The following BBOX1 variants were observed in gnomAD, a reference collection of about 807,000 sequenced individuals.
BBOX1 encodes gamma-butyrobetaine dioxygenase.
BBOX1 carries 35 observed loss-of-function variants against 41.6 expected under a neutral mutation model. That is an observed-to-expected ratio of 0.84 (90% CI 0.64 to 1.11). The LOEUF is 1.11. BBOX1 is among the 50% of genes most tolerant of loss of function. The probability of loss-of-function intolerance (pLI) is 0.00; values close to 1 mark genes in which losing one functional copy is unlikely to be tolerated. For missense variants in BBOX1, 458 were observed against 460.6 expected (o/e 0.99, Z 0.05); for synonymous variants, 163 against 154.7 (o/e 1.05, Z -0.40).
At position 27,080,041 on chromosome 11, in the gene BBOX1, T is replaced by TA. The variant is rs1478376107; in HGVS notation, c.335-13121dup. ...CTATTCCCATCCTGCTCTTTCTTTTTAAAAAATGCTTTAAAATCATTTTCC... is the reference window on the plus strand; with the variant it reads ...CTATTCCCATCCTGCTCTTTCTTTTTAAAAAAATGCTTTAAAATCATTTTCC... On this transcript the variant is annotated intron_variant, in intron 4 of 8. Coordinates refer to ENST00000263182, the MANE Select transcript of BBOX1 (RefSeq NM_003986.3). Among the ~76,000 whole-genome samples the TA allele has an allele frequency of 5.3e-5, 8 of 152,114 alleles. No homozygotes were observed. In the East Asian group the frequency reaches 1.5e-3, roughly 29 times the overall value.
rs201689301 is a variant in BBOX1, at chr11:27,093,346, C to T, written c.513C>T (p.Phe171=). The change falls in exon 5 of 9, where the codon TTC becomes TTT. Residue 171 remains phenylalanine, a synonymous_variant. Transcript: ENST00000263182. ...CAAAACTTGGGAAAAGGATGGGTTT[C>T]CTCTATCTCACATTTTATGGGTGAG... The part of the protein sequence containing the change: ...EVSKLGKRMG[F]LYLTFYGHTW... The T allele has an allele frequency of 3.1e-6, 5 of 1,612,228 alleles. No homozygotes were observed. The Admixed American group carries it at 8.4e-5, about 27-fold the overall frequency.
At chr11:27,052,716 G>A (rs1433726292) in intron 2 of BBOX1, among the ~76,000 whole-genome samples, 1 of 152,058 alleles carries the variant, frequency 6.6e-6, no homozygotes, top group Non-Finnish European at 1.5e-5. Flanking sequence ...GTTTAAATAA[G>A]TAAAGAATTT....
rs186751564 is a variant in BBOX1 at position 27,063,393 on chromosome 11, A to G, written c.334+6078A>G. Among the ~76,000 whole-genome samples the G allele has an allele frequency of 3.2e-4, 49 of 151,762 alleles. No individual in the cohort carries two copies. The East Asian group carries it at 8.9e-3, about 28-fold the overall frequency. On this transcript the variant is annotated intron_variant, in intron 4 of 8. Coordinates refer to ENST00000263182, the MANE Select transcript of BBOX1 (RefSeq NM_003986.3). ...CATATAACTGGCAGGACCAAAATGGAAAAAAAAATCACTATATAGTATGAT... is the reference window on the plus strand; with the variant it reads ...CATATAACTGGCAGGACCAAAATGGGAAAAAAAATCACTATATAGTATGAT...
Position 27,115,540 on chromosome 11 carries a change from C to A in BBOX1, c.622C>A (p.Leu208Ile). The A allele has an allele frequency of 6.2e-7, 1 of 1,610,032 alleles. No individual in the cohort carries two copies. Among genetic ancestry groups the A allele is most frequent in the Non-Finnish European group, 8.5e-7 (1 of 1,177,542 alleles). ...AAGCTTTCACACTGATTATCCAGCCCTCCATCATCCACCTGGGGTAAGTGA... is the reference window on the plus strand; with the variant it reads ...AAGCTTTCACACTGATTATCCAGCCATCCATCATCCACCTGGGGTAAGTGA... The part of the protein sequence containing the change: ...KLSFHTDYPA[L>I]HHPPGVQLLH... Residue 208 changes from leucine (L) to isoleucine (I), a missense_variant, in exon 6 of 9, where the codon CTC becomes ATC. Leu to Ile is a conservative substitution (Grantham distance 5). Coordinates refer to ENST00000263182, the MANE Select transcript of BBOX1 (RefSeq NM_003986.3).
chr11:27,049,952 C>T (rs959561780), intron 2 of BBOX1, among the ~76,000 whole-genome samples: 1 of 152,022 alleles, frequency 6.6e-6, no homozygotes, highest in African/African-American at 2.4e-5. Context: ...ATGGAGTTTT[C>T]CCATATGTTT....
intron 5 of BBOX1, among the ~76,000 whole-genome samples, chr11:27,101,719 C>T (rs1858666747): frequency 6.6e-6 from 1 of 151,864 alleles, no homozygotes. Context: ...ATTATTTTTG[C>T]AGTTTTATTG....
Position 27,063,606 on chromosome 11 carries a change from C to T in BBOX1, c.334+6291C>T, listed in dbSNP as rs139940586. Among the ~76,000 whole-genome samples, 954 of 150,704 alleles carry T rather than the reference C, an allele frequency of 6.3e-3. 13 individuals carry two copies. The highest frequency in any genetic ancestry group is 0.022 in the African/African-American group (900 of 41,008). ...AGAAAATATTTTATTTCCATGGAGA[C>T]AGGCTGCTCAGTTTTCTCAGCAATC... On this transcript the variant is annotated intron_variant, in intron 4 of 8. Coordinates refer to ENST00000263182, the MANE Select transcript of BBOX1 (RefSeq NM_003986.3).
chr11:27,122,272 A>G (rs889530456), intron 7 of BBOX1, among the ~76,000 whole-genome samples: 1 of 152,086 alleles, frequency 6.6e-6, no homozygotes, highest in Non-Finnish European at 1.5e-5. Flanking sequence ...TACACATTCA[A>G]TCACGTAAAT....
In BBOX1 at chr11:27,093,200, C is replaced by T. The variant is rs374702245; in HGVS notation, c.367C>T (p.Pro123Ser). Residue 123 changes from proline to serine, a missense_variant, in exon 5 of 9, where the codon CCC (proline) becomes TCC (serine). By Grantham distance (74) the Pro-to-Ser change is moderately conservative. Coordinates refer to ENST00000263182, the MANE Select transcript of BBOX1 (RefSeq NM_003986.3). ...CQYWGSELQLPTLDFEDVLRY... is the reference protein window; with the variant it reads ...CQYWGSELQLSTLDFEDVLRY... ...ATACTGGGGCTCAGAGCTCCAGCTA[C>T]CCACTTTGGATTTTGAAGATGTTTT... The T allele has an allele frequency of 6.2e-7, 1 of 1,612,310 alleles. No homozygotes were observed. Among genetic ancestry groups the T allele is most frequent in the Non-Finnish European group, 8.5e-7 (1 of 1,178,884 alleles).
At position 27,127,724 on chromosome 11, in the gene BBOX1, G is replaced by A. The variant is rs1007109383; in HGVS notation, c.*271G>A. On this transcript the variant is annotated 3_prime_UTR_variant, in exon 9 of 9. Transcript: ENST00000263182. ...GCCCATATATGAGTATCTCCAGAATGTCTACAAATAGTTTTTGTAGCAAAT... is the reference window on the plus strand; with the variant it reads ...GCCCATATATGAGTATCTCCAGAATATCTACAAATAGTTTTTGTAGCAAAT... 15 of 325,470 alleles carry A rather than the reference G, an allele frequency of 4.6e-5. No homozygotes were observed. The highest frequency in any genetic ancestry group is 2.8e-4 in the African/African-American group (13 of 46,070). 20.2% of individuals were successfully genotyped at this position (325,470 alleles called of 1,614,324 possible).
chr11:27,123,607 T>G (rs58124167), intron 7 of BBOX1, among the ~76,000 whole-genome samples: 5,055 of 152,004 alleles, frequency 0.033, 126 homozygotes, highest in South Asian at 0.11. Context: ...AATCTTGCAG[T>G]TAATATCAAA....
At chr11:27,071,220 A>C (rs1857436407) in intron 4 of BBOX1, among the ~76,000 whole-genome samples, 1 of 151,978 alleles carries the variant, frequency 6.6e-6, no homozygotes, top group Admixed American at 6.6e-5. Flanking sequence ...TAAAACAAAA[A>C]AAATGCAAAA....
chr11:27,084,024 G>A (rs914819372), intron 4 of BBOX1, among the ~76,000 whole-genome samples: 3 of 152,102 alleles, frequency 2.0e-5, no homozygotes, highest in Admixed American at 6.6e-5. Context: ...TTGCAAGACT[G>A]CTAATCTCCC....
chr11:27,113,822 A>C (rs77813515), intron 5 of BBOX1, among the ~76,000 whole-genome samples: 1 of 151,572 alleles, frequency 6.6e-6, no homozygotes, highest in African/African-American at 2.4e-5. Flanking sequence ...AAAAAAAAAA[A>C]TCAAGTTTCT....
rs773417674 is a variant in BBOX1, at chr11:27,099,041, A to G, written c.533+5675A>G. 4.6e-4 allele frequency among the ~76,000 whole-genome samples: 70 copies of G among 152,086 alleles called. 1 individual carries two copies. Among genetic ancestry groups the G allele is most frequent in the South Asian group, 2.9e-3 (14 of 4,814 alleles). ...TCAGGAAATTTTAATGAAAGGGAAT[A>G]TGTGCTAAGTAAGATATTGTAGACT... On this transcript the variant is annotated intron_variant, in intron 5 of 8. Transcript: ENST00000263182.
rs559162733 is a variant in BBOX1 at position 27,061,288 on chromosome 11, C to T, written c.334+3973C>T. Among the ~76,000 whole-genome samples the T allele has an allele frequency of 2.2e-4, 33 of 152,218 alleles. 1 individual carries two copies. The highest frequency in any genetic ancestry group is 3.4e-3 in the Middle Eastern group (1 of 294). ...GTAGCAAAATGGAAATGATACTACACTCAATTAAGTAGTGGAAAAAACTGG... is the reference window on the plus strand; with the variant it reads ...GTAGCAAAATGGAAATGATACTACATTCAATTAAGTAGTGGAAAAAACTGG... On this transcript the variant is annotated intron_variant, in intron 4 of 8. Coordinates refer to ENST00000263182, the MANE Select transcript of BBOX1 (RefSeq NM_003986.3).
intron 5 of BBOX1, among the ~76,000 whole-genome samples, chr11:27,099,743 T>C (rs890894974): frequency 2.6e-5 from 4 of 152,054 alleles, no homozygotes; most frequent in African/African-American, 7.2e-5. Flanking sequence ...TTCCCAGATC[T>C]CTCTGATCCT....
intron 4 of BBOX1, among the ~76,000 whole-genome samples, chr11:27,075,762 T>C (rs1857611803): frequency 6.6e-6 from 1 of 152,156 alleles, no homozygotes; most frequent in African/African-American, 2.4e-5. Context: ...GCACTCCTCT[T>C]GTGGGGATCC....
At chr11:27,081,129 T>A (rs1857820351) in intron 4 of BBOX1, among the ~76,000 whole-genome samples, 1 of 152,130 alleles carries the variant, frequency 6.6e-6, no homozygotes, top group African/African-American at 2.4e-5. Flanking sequence ...AAGGATCATA[T>A]CAGATGTAGC....
Sources: gnomAD v4.1 joint callset for allele counts (sites outside exome capture counted in the v4.1 genomes callset) on GRCh38, gnomAD v4.1.1 for gene constraint, MANE v1.5 for transcripts, NCBI Gene and HGNC (gene_info 2026-07-23, HGNC 2026-07-21) for gene names.